Variants in CNTNAP5 observed in about 807,000 individuals in gnomAD.
CNTNAP5 encodes the protein contactin-associated protein-like 5.
Under a neutral mutation model 150.2 loss-of-function variants are expected in CNTNAP5, and 72 were observed. The ratio of observed to expected loss-of-function variants is 0.48; its 90% CI spans 0.40 to 0.58. The LOEUF (loss-of-function observed/expected upper bound fraction) is 0.58, where lower values mean the gene tolerates loss of function less well. Ranked by LOEUF, CNTNAP5 falls within the 20% of genes least tolerant of loss-of-function variation. The probability of loss-of-function intolerance (pLI) is 0.00; values close to 1 mark genes in which losing one functional copy is unlikely to be tolerated. For synonymous variants in CNTNAP5, 672 were observed against 619.8 expected (o/e 1.08, Z -1.25); for missense variants, 1,636 against 1,626.2 (o/e 1.01, Z -0.10).
chr2:124,199,502 G>A (rs991187673), intron 1 of CNTNAP5, among the ~76,000 whole-genome samples: 12 of 134,504 alleles, frequency 8.9e-5, no homozygotes, highest in African/African-American at 1.7e-4. Flanking sequence ...TGCAACTTCC[G>A]CTTCCCAGGT....
At chr2:124,467,309 G>C (rs1044244588) in intron 6 of CNTNAP5, among the ~76,000 whole-genome samples, 13 of 150,598 alleles carry the variant, frequency 8.6e-5, no homozygotes, top group African/African-American at 3.0e-4. Context: ...CTAATGGACA[G>C]AGTTCAAGAG....
chr2:124,030,667 A>G (rs1681023230), intron 1 of CNTNAP5, among the ~76,000 whole-genome samples: 1 of 152,228 alleles, frequency 6.6e-6, no homozygotes, highest in East Asian at 1.9e-4. Context: ...GAAAAAAAAA[A>G]TGGAGATCTA....
intron 3 of CNTNAP5, among the ~76,000 whole-genome samples, chr2:124,287,899 C>T (rs989560473): frequency 6.6e-6 from 1 of 152,090 alleles, no homozygotes; most frequent in African/African-American, 2.4e-5. Flanking sequence ...CTAATAAAGA[C>T]TACGGATTGT....
chr2:124,424,981 C>T (rs1692205366), intron 4 of CNTNAP5, among the ~76,000 whole-genome samples: 1 of 152,174 alleles, frequency 6.6e-6, no homozygotes, highest in African/African-American at 2.4e-5. Context: ...TTCCTGTGAC[C>T]CATATGCTAA....
At chr2:124,273,685 T>C (rs546748383) in intron 3 of CNTNAP5, among the ~76,000 whole-genome samples, 15 of 152,284 alleles carry the variant, frequency 9.9e-5, no homozygotes, top group African/African-American at 3.6e-4. Context: ...CTGAATGTGA[T>C]TGGAGCATGG....
chr2:124,041,729 C>T (rs1681377166), intron 1 of CNTNAP5, among the ~76,000 whole-genome samples: 1 of 152,080 alleles, frequency 6.6e-6, no homozygotes, highest in African/African-American at 2.4e-5. Context: ...CTACAACACA[C>T]ATTGTATTAT....
chr2:124,232,219 A>G (rs1056040041), intron 2 of CNTNAP5, among the ~76,000 whole-genome samples: 1 of 152,192 alleles, frequency 6.6e-6, no homozygotes. Flanking sequence ...TATTAGTGAC[A>G]TATTTGTCTA....
chr2:124,062,859 C>G (rs1682048331), intron 1 of CNTNAP5, among the ~76,000 whole-genome samples: 1 of 151,956 alleles, frequency 6.6e-6, no homozygotes, highest in South Asian at 2.1e-4. Context: ...ACAAAGGGTC[C>G]TTTTGGCATT....
intron 21 of CNTNAP5, 30 bp downstream of exon 21, chr2:124,869,792 T>C (rs775026082): frequency 1.5e-6 from 2 of 1,336,062 alleles, no homozygotes; most frequent in Non-Finnish European, 2.1e-6. Flanking sequence ...ACCTTTCCAG[T>C]GGGCTTTATT....
chr2:124,731,328 C>A (rs951347681), intron 13 of CNTNAP5, among the ~76,000 whole-genome samples: 2 of 152,076 alleles, frequency 1.3e-5, no homozygotes, highest in African/African-American at 4.8e-5. Flanking sequence ...TTCTTGCTGG[C>A]TCTTTTCTCA....
chr2:124,064,308 T>C (rs1405164600), intron 1 of CNTNAP5, among the ~76,000 whole-genome samples: 3 of 152,126 alleles, frequency 2.0e-5, no homozygotes, highest in African/African-American at 7.2e-5. Context: ...TGGAGGTCAC[T>C]CGCTATAGGG....
At chr2:124,848,971 G>T (rs1252689568) in intron 19 of CNTNAP5, among the ~76,000 whole-genome samples, 1 of 151,558 alleles carries the variant, frequency 6.6e-6, no homozygotes, top group Non-Finnish European at 1.5e-5. Flanking sequence ...TTCTTATATT[G>T]TGCAGAAACT....
chr2:124,744,924 A>T (rs959264710), intron 13 of CNTNAP5, among the ~76,000 whole-genome samples: 13 of 152,214 alleles, frequency 8.5e-5, no homozygotes, highest in African/African-American at 3.1e-4. Flanking sequence ...TCCGGTTTTC[A>T]TATATAGATA....
chr2:124,550,868 A>C (rs1436045012), intron 10 of CNTNAP5, among the ~76,000 whole-genome samples: 1 of 152,126 alleles, frequency 6.6e-6, no homozygotes, highest in Non-Finnish European at 1.5e-5. Flanking sequence ...CTTGTTTCTA[A>C]AGTTCCCAGG....
At chr2:124,846,660 T>G (rs903154137) in intron 19 of CNTNAP5, among the ~76,000 whole-genome samples, 1 of 152,220 alleles carries the variant, frequency 6.6e-6, no homozygotes, top group African/African-American at 2.4e-5. Context: ...TGTATCATAA[T>G]GCCTTAATTG....
chr2:124,178,743 T>A (rs1381394524), intron 1 of CNTNAP5, among the ~76,000 whole-genome samples: 1 of 152,070 alleles, frequency 6.6e-6, no homozygotes, highest in Non-Finnish European at 1.5e-5. Flanking sequence ...GGACTTTTTT[T>A]AAAGAACTTC....
At chr2:124,345,707 A>T (rs1689721511) in intron 3 of CNTNAP5, among the ~76,000 whole-genome samples, 1 of 152,206 alleles carries the variant, frequency 6.6e-6, no homozygotes, top group Non-Finnish European at 1.5e-5. Flanking sequence ...AGAGAAGAAG[A>T]GAAAATAAGG....
chr2:124,614,983 CAAAA>C (rs70996082), intron 12 of CNTNAP5, among the ~76,000 whole-genome samples: 3,928 of 151,864 alleles, frequency 0.026, 48 homozygotes, highest in Middle Eastern at 0.037. Context: ...AGCATTATAT[CAAAA>C]AAAAAAAAAA....
intron 3 of CNTNAP5, among the ~76,000 whole-genome samples, chr2:124,253,437 T>C (rs1306440372): frequency 6.6e-6 from 1 of 152,306 alleles, no homozygotes; most frequent in Non-Finnish European, 1.5e-5. Context: ...TTTACCTTCC[T>C]ATAGTAAATA....
Sources: gnomAD v4.1 joint callset for allele counts (sites outside exome capture counted in the v4.1 genomes callset) on GRCh38, gnomAD v4.1.1 for gene constraint, MANE v1.5 for transcripts, NCBI Gene and HGNC (gene_info 2026-07-23, HGNC 2026-07-21) for gene names.